CEP120: variants seen among roughly 807,000 people sequenced by gnomAD.
The protein encoded by CEP120 is centrosomal protein 120.
CEP120 carries 113 observed loss-of-function variants against 126.5 expected under a neutral mutation model. That is an observed-to-expected ratio of 0.89 (90% CI 0.77 to 1.04). The LOEUF (loss-of-function observed/expected upper bound fraction) is 1.04. Ranked by LOEUF, CEP120 falls within the 50% of genes least tolerant of loss-of-function variation. CEP120 has a pLI of 0.00. For synonymous variants in CEP120, 400 were observed against 394.3 expected (o/e 1.01, Z -0.17); for missense variants, 1,230 against 1,155.7 (o/e 1.06, Z -0.93).
At chr5:123,391,069 G>C (rs1292870011) in intron 7 of CEP120, 41 bp downstream of exon 7, 17 of 1,436,640 alleles carry the variant, frequency 1.2e-5, no homozygotes, top group Non-Finnish European at 1.6e-5. Flanking sequence ...TCATGCATGG[G>C]ACTAGTGAAG....
intron 6 of CEP120, among the ~76,000 whole-genome samples, chr5:123,392,991 T>C (rs1772505805): frequency 6.6e-6 from 1 of 152,140 alleles, no homozygotes; most frequent in Non-Finnish European, 1.5e-5. Context: ...AATAATGAAA[T>C]CTTGCTCGTG....
chr5:123,349,856 T>A (rs542396098), intron 19 of CEP120, 88 bp downstream of exon 19: 2 of 994,364 alleles, frequency 2.0e-6, no homozygotes, highest in Admixed American at 4.9e-5. Context: ...TTTTTATATA[T>A]GATCTACTTT....
At chr5:123,378,823 G>C (rs1001559523) in intron 14 of CEP120, among the ~76,000 whole-genome samples, 1 of 151,984 alleles carries the variant, frequency 6.6e-6, no homozygotes, top group African/African-American at 2.4e-5. Context: ...GTCAGGGATG[G>C]GGGTGCGTGT....
rs770791776 is a variant in CEP120 at position 123,399,302 on chromosome 5, C to T, written c.464-18G>A. 9.9e-6 allele frequency: 16 copies of T among 1,610,700 alleles called. No individual in the cohort carries two copies. Among genetic ancestry groups the T allele is most frequent in the African/African-American group, 8.0e-5 (6 of 74,782 alleles). On this transcript the variant is annotated intron_variant, in intron 4 of 19. Coordinates refer to ENST00000306467, the MANE Select transcript of CEP120 (RefSeq NM_001375405.1). ...GGCAGGTACTTTACAGAGAAAAACA[C>T]GATTAAACTACATTGTAGTTTGTCA...
At position 123,345,900 on chromosome 5, in the gene CEP120, C is replaced by T. The variant is rs879492539; in HGVS notation, c.*619G>A. Reference sequence around the variant, plus strand: ...TTCATGTTCTTAAAAGTTATAAATACACTGAAAATTTGAAAATTCAATAGC... The same window carrying T: ...TTCATGTTCTTAAAAGTTATAAATATACTGAAAATTTGAAAATTCAATAGC... On this transcript the variant is annotated 3_prime_UTR_variant, in exon 20 of 20. Transcript: ENST00000306467. The T allele has an allele frequency of 5.3e-5, 8 of 152,088 alleles. No homozygotes were observed. The highest frequency in any genetic ancestry group is 1.0e-4 in the Non-Finnish European group (7 of 67,998). The allele number at this position is 152,088 out of a possible 1,614,324, so 9.4% of individuals were successfully genotyped here.
At chr5:123,408,222 A>G (rs1415494793) in intron 4 of CEP120, among the ~76,000 whole-genome samples, 1 of 152,200 alleles carries the variant, frequency 6.6e-6, no homozygotes, top group Non-Finnish European at 1.5e-5. Flanking sequence ...GGAAACCAGA[A>G]AAGGAGCAAA....
chr5:123,410,444 G>T (rs1773977779), intron 4 of CEP120, among the ~76,000 whole-genome samples: 1 of 152,170 alleles, frequency 6.6e-6, no homozygotes, highest in Non-Finnish European at 1.5e-5. Flanking sequence ...CTTACTTGAA[G>T]CTACAGTAAT....
In CEP120 at chr5:123,414,971, C is replaced by CAAAAAAAAA. The variant is rs56756568; in HGVS notation, c.321+1030_321+1038dup. 1.1e-3 allele frequency among the ~76,000 whole-genome samples: 45 copies of CAAAAAAAAA among 40,666 alleles called. 3 individuals are homozygous for CAAAAAAAAA. Among genetic ancestry groups the CAAAAAAAAA allele is most frequent in the African/African-American group, 4.3e-3 (37 of 8,652 alleles). The allele number at this position is 40,666 out of a possible 152,430, so 26.7% of individuals were successfully genotyped here. A position where few individuals can be genotyped will look rare whatever the true frequency, so the allele number is the denominator to read the frequency against. On this transcript the variant is annotated intron_variant, in intron 3 of 19. Coordinates refer to ENST00000306467, the MANE Select transcript of CEP120 (RefSeq NM_001375405.1). ...TGGGCAACAGAGCAAGACTCCATCT[C>CAAAAAAAAA]AAAAAAAAAAAAAAAAAAAAAAAAA...
intron 16 of CEP120, among the ~76,000 whole-genome samples, chr5:123,373,102 A>G (rs1015846699): frequency 2.0e-5 from 3 of 152,094 alleles, no homozygotes; most frequent in Non-Finnish European, 2.9e-5. Context: ...GATGTCGCAT[A>G]TAAGAAAAAA....
chr5:123,390,533 T>C (rs969780465), intron 7 of CEP120, among the ~76,000 whole-genome samples: 2 of 152,186 alleles, frequency 1.3e-5, no homozygotes, highest in African/African-American at 4.8e-5. Flanking sequence ...ACTAAAAATA[T>C]ATGTATATGT....
intron 4 of CEP120, among the ~76,000 whole-genome samples, chr5:123,411,091 T>G (rs909504119): frequency 1.2e-4 from 18 of 152,186 alleles, no homozygotes; most frequent in Admixed American, 3.3e-4. Flanking sequence ...CTCAACATCC[T>G]ATGTCATTGA....
At position 123,378,438 on chromosome 5, in the gene CEP120, A is replaced by C; in HGVS notation, c.2104-10T>G. On this transcript the variant is annotated splice_polypyrimidine_tract_variant and intron_variant, in intron 14 of 19. Transcript: ENST00000306467. ...TAGTATATTCAGCCACCTAAAATAT[A>C]GTAAAAAAAAAAAAAAAAAAGTTAC... 7.6e-7 allele frequency: 1 copy of C among 1,315,978 alleles called. No homozygotes were observed. The highest frequency in any genetic ancestry group is 1.7e-5 in the African/African-American group (1 of 59,972). 81.5% of individuals were successfully genotyped at this position (1,315,978 alleles called of 1,614,324 possible). A position where few individuals can be genotyped will look rare whatever the true frequency, so the allele number is the denominator to read the frequency against.
At chr5:123,372,217 C>G (rs1770903620) in intron 17 of CEP120, among the ~76,000 whole-genome samples, 1 of 152,046 alleles carries the variant, frequency 6.6e-6, no homozygotes, top group Non-Finnish European at 1.5e-5. Context: ...CAATGGCTAC[C>G]ACAGAACAGT....
rs539870158 is a variant in CEP120 at position 123,411,248 on chromosome 5, G to A, written c.463+1151C>T. On this transcript the variant is annotated intron_variant, in intron 4 of 19. Transcript: ENST00000306467. ...TGCTAGTGGGAATGCCAAATAGCAC[G>A]GCCACTTTGGAAGGCAGTGTGGATA... Among the ~76,000 whole-genome samples, 48 of 152,246 alleles carry A rather than the reference G, an allele frequency of 3.2e-4. No individual in the cohort carries two copies. In the South Asian group the frequency reaches 9.1e-3, roughly 29 times the overall value.
chr5:123,388,518 T>C lies in CEP120; in HGVS notation c.1344A>G (p.Pro448=), dbSNP rs1423647816. The C allele has an allele frequency of 7.4e-6, 12 of 1,611,144 alleles. No homozygotes were observed. The highest frequency in any genetic ancestry group is 1.0e-5 in the Non-Finnish European group (12 of 1,179,030). Residue 448 remains proline, a synonymous_variant, in exon 9 of 20, where the codon CCA becomes CCG. Coordinates refer to ENST00000306467, the MANE Select transcript of CEP120 (RefSeq NM_001375405.1). ...AAAAGCAAAAATGATGTGATGTTGCTGGTACAGCAATCTTCTGTCCTGAAG... is the reference window on the plus strand; with the variant it reads ...AAAAGCAAAAATGATGTGATGTTGCCGGTACAGCAATCTTCTGTCCTGAAG... The part of the protein sequence containing the change: ...EVASGQKIAV[P]ATSHHFCFSI...
chr5:123,358,352 T>C (rs917649826), intron 18 of CEP120: 2 of 151,974 alleles, frequency 1.3e-5, no homozygotes, highest in African/African-American at 4.8e-5. Flanking sequence ...GTGGAAAGAG[T>C]AGAAGAACCT....
chr5:123,375,515 GT>G (rs1404372458), intron 16 of CEP120, among the ~76,000 whole-genome samples: 4 of 151,790 alleles, frequency 2.6e-5, no homozygotes. Context: ...AAGAGATGCA[GT>G]TTTGCCATGT....
At chr5:123,405,628 A>G (rs1773591116) in intron 4 of CEP120, among the ~76,000 whole-genome samples, 1 of 152,326 alleles carries the variant, frequency 6.6e-6, no homozygotes, top group South Asian at 2.1e-4. Context: ...GAAAAAACTG[A>G]GAAGCAATGG....
intron 4 of CEP120, among the ~76,000 whole-genome samples, chr5:123,400,684 G>T (rs1773141004): frequency 9.2e-6 from 1 of 108,912 alleles, no homozygotes; most frequent in African/African-American, 3.6e-5. Flanking sequence ...TGCAGAGCTA[G>T]CTGAGGTTTT....
Sources: allele counts gnomAD v4.1 joint callset (sites outside exome capture counted in the v4.1 genomes callset), GRCh38; gene constraint gnomAD v4.1.1; transcripts MANE v1.5; gene names NCBI Gene and HGNC (gene_info 2026-07-23, HGNC 2026-07-21).